DCC: variants seen among roughly 807,000 people sequenced by gnomAD.
The protein encoded by DCC is netrin receptor DCC.
Under a neutral mutation model 172.5 loss-of-function variants are expected in DCC, and 58 were observed. The ratio of observed to expected loss-of-function variants is 0.34; its 90% confidence interval spans 0.27 to 0.42. The LOEUF (loss-of-function observed/expected upper bound fraction) is 0.42. Among genes scored for constraint, DCC ranks in the 10% least tolerant of loss-of-function variants. DCC has a pLI of 1.00. For missense variants in DCC, 1,740 were observed against 1,791.0 expected (o/e 0.97, Z 0.51); for synonymous variants, 709 against 644.5 (o/e 1.10, Z -1.52).
At chr18:53,405,191 A>G (rs968676860) in intron 19 of DCC, among the ~76,000 whole-genome samples, 1 of 41,728 alleles carries the variant, frequency 2.4e-5, no homozygotes, top group South Asian at 5.8e-4. Flanking sequence ...AATAAAAAGT[A>G]AAAAAAAAAA....
rs200099519 is a variant in DCC, at chr18:53,305,666, G to A, written c.2000G>A (p.Arg667His). ...GYKIRHRKTT[R>H]RGEMETLEPN... ...AAAATTCGACACAGAAAGACGACCC[G>A]CAGGGGTGAGATGGAAACACTGGAG... Residue 667 changes from arginine to histidine, a missense_variant, in exon 13 of 29, where the codon CGC becomes CAC. Coordinates refer to ENST00000442544, the MANE Select transcript of DCC (RefSeq NM_005215.4). 1,284 of 1,613,934 alleles carry A rather than the reference G, an allele frequency of 8.0e-4. 12 individuals carry two copies. In the Middle Eastern group the frequency reaches 0.011, roughly 13 times the overall value.
intron 12 of DCC, among the ~76,000 whole-genome samples, chr18:53,303,847 T>A (rs532566128): frequency 4.5e-4 from 69 of 152,114 alleles, no homozygotes; most frequent in Non-Finnish European, 9.4e-4. Flanking sequence ...TTGTCCAGCA[T>A]CCAGGAAGAA....
chr18:53,440,056 C>T (rs899136551), intron 22 of DCC, among the ~76,000 whole-genome samples: 7 of 151,854 alleles, frequency 4.6e-5, no homozygotes, highest in South Asian at 4.1e-4. Flanking sequence ...TGAGCCACCG[C>T]GCCCGGCCGT....
At chr18:52,393,577 G>A (rs2144355183) in intron 1 of DCC, among the ~76,000 whole-genome samples, 1 of 152,142 alleles carries the variant, frequency 6.6e-6, no homozygotes, top group South Asian at 2.1e-4. Context: ...GTATCACCAG[G>A]AGCTTATTAC....
rs757046322 is a variant in DCC, at chr18:53,086,325, T to TTTC, written c.1261+20184_1261+20186dup. 7.7e-4 allele frequency among the ~76,000 whole-genome samples: 27 copies of TTTC among 34,862 alleles called. 6 individuals are homozygous for TTTC. The highest frequency in any genetic ancestry group is 4.9e-3 in the East Asian group (11 of 2,248). The allele number at this position is 34,862 out of a possible 152,430, so 22.9% of individuals were successfully genotyped here. On this transcript the variant is annotated intron_variant, in intron 7 of 28. Transcript: ENST00000442544. ...TTCTTCTTCTTCTTCTTCTTCTTCC[T>TTTC]TTCTTCTTCTTCTTCTTCTTCTTCT... is the stretch of plus-strand genomic sequence containing the variant.
intron 7 of DCC, among the ~76,000 whole-genome samples, chr18:53,149,971 C>T (rs762532453): frequency 9.2e-5 from 14 of 152,174 alleles, no homozygotes; most frequent in Non-Finnish European, 1.8e-4. Flanking sequence ...ACCAAATTTT[C>T]GAGCTTCCTT....
intron 10 of DCC, among the ~76,000 whole-genome samples, chr18:53,205,979 A>G (rs1598904701): frequency 6.6e-6 from 1 of 151,318 alleles, no homozygotes; most frequent in South Asian, 2.1e-4. Flanking sequence ...GAAAAATTCT[A>G]TTTGGTGATA....
At chr18:53,249,547 C>T (rs1357702589) in intron 12 of DCC, among the ~76,000 whole-genome samples, 3 of 151,844 alleles carry the variant, frequency 2.0e-5, no homozygotes, top group Non-Finnish European at 4.4e-5. Context: ...TATTATTGCC[C>T]TGGAAATGTG....
intron 1 of DCC, among the ~76,000 whole-genome samples, chr18:52,709,764 A>G (rs1205307755): frequency 1.3e-5 from 2 of 152,240 alleles, no homozygotes; most frequent in Non-Finnish European, 2.9e-5. Context: ...GGACTTCGAA[A>G]CCATTAGAAA....
rs144317734 is a variant in DCC at position 53,517,857 on chromosome 18, T to A, written c.4112-8760T>A. On this transcript the variant is annotated intron_variant, in intron 27 of 28. Coordinates refer to ENST00000442544, the MANE Select transcript of DCC (RefSeq NM_005215.4). ...AAATGCCTTAAGATTGTTGCAAAATTTATAGTTTGAAATTCGATCACTTAT... is the reference window on the plus strand; with the variant it reads ...AAATGCCTTAAGATTGTTGCAAAATATATAGTTTGAAATTCGATCACTTAT... Among the ~76,000 whole-genome samples the A allele has an allele frequency of 4.0e-4, 61 of 152,246 alleles. 1 individual carries two copies. The East Asian group carries it at 8.5e-3, about 21-fold the overall frequency.
At chr18:52,502,522 T>G (rs972393743) in intron 1 of DCC, among the ~76,000 whole-genome samples, 3 of 152,116 alleles carry the variant, frequency 2.0e-5, no homozygotes, top group Non-Finnish European at 4.4e-5. Context: ...TATTTTAGAT[T>G]TTCTGATTGT....
At chr18:52,455,511 A>T (rs546107123) in intron 1 of DCC, among the ~76,000 whole-genome samples, 3 of 152,304 alleles carry the variant, frequency 2.0e-5, no homozygotes, top group African/African-American at 7.2e-5. Flanking sequence ...TGTGTAACAT[A>T]GGAAAGCTTG....
At chr18:53,503,202 G>A (rs746778983) in intron 27 of DCC, among the ~76,000 whole-genome samples, 5 of 152,136 alleles carry the variant, frequency 3.3e-5, no homozygotes, top group Non-Finnish European at 5.9e-5. Context: ...TGGGGTTGCA[G>A]AGCATTTTGC....
chr18:53,483,767 A>G (rs1014227308), intron 25 of DCC, among the ~76,000 whole-genome samples: 1 of 151,872 alleles, frequency 6.6e-6, no homozygotes, highest in Admixed American at 6.6e-5. Flanking sequence ...TCTTGTTAAC[A>G]TTACAATTAG....
intron 7 of DCC, among the ~76,000 whole-genome samples, chr18:53,102,714 A>G (rs9967298): frequency 2.8e-4 from 43 of 152,210 alleles, no homozygotes; most frequent in African/African-American, 1.0e-3. Context: ...GACCTAACTA[A>G]TAACTTTCCT....
intron 1 of DCC, among the ~76,000 whole-genome samples, chr18:52,413,321 T>A (rs1343795696): frequency 6.6e-6 from 1 of 151,420 alleles, no homozygotes; most frequent in African/African-American, 2.4e-5. Context: ...CTAACAATTA[T>A]TTCAGTGCAA....
intron 1 of DCC, among the ~76,000 whole-genome samples, chr18:52,497,200 G>A (rs2030791620): frequency 6.9e-6 from 1 of 145,516 alleles, no homozygotes; most frequent in Non-Finnish European, 1.5e-5. Context: ...ATTTGAGGCT[G>A]CAGTTAACTA....
At chr18:53,331,924 CCT>C (rs1355326090) in intron 14 of DCC, among the ~76,000 whole-genome samples, 1 of 152,118 alleles carries the variant, frequency 6.6e-6, no homozygotes, top group African/African-American at 2.4e-5. Context: ...TACATTTTTC[CCT>C]CTTTTTCCTT....
chr18:53,358,733 G>C (rs1055399913), intron 15 of DCC, among the ~76,000 whole-genome samples: 26 of 151,722 alleles, frequency 1.7e-4, no homozygotes, highest in African/African-American at 6.1e-4. Flanking sequence ...TGTTGGCCAG[G>C]CTGGTCTCAA....
Sources: allele counts gnomAD v4.1 joint callset (sites outside exome capture counted in the v4.1 genomes callset), GRCh38; gene constraint gnomAD v4.1.1; transcripts MANE v1.5; gene names NCBI Gene and HGNC (gene_info 2026-07-23, HGNC 2026-07-21).